STARD13: variants seen among roughly 807,000 people sequenced by gnomAD.
The protein encoded by STARD13 is StAR related lipid transfer domain containing 13.
A neutral mutation model predicts 106.4 loss-of-function variants in STARD13; 62 were observed. That is an observed-to-expected ratio of 0.58 (90% CI 0.48 to 0.72). The LOEUF (loss-of-function observed/expected upper bound fraction) is 0.72, where lower values mean the gene tolerates loss of function less well. Ranked by LOEUF, STARD13 falls within the 30% of genes least tolerant of loss-of-function variation. The pLI is 0.00. For synonymous variants in STARD13, 565 were observed against 553.0 expected (o/e 1.02, Z -0.31); for missense variants, 1,387 against 1,424.0 (o/e 0.97, Z 0.42).
At chr13:33,231,830 T>C (rs894903403) in intron 1 of STARD13, among the ~76,000 whole-genome samples, 1 of 152,180 alleles carries the variant, frequency 6.6e-6, no homozygotes, top group African/African-American at 2.4e-5. Context: ...TTCAGTGTCA[T>C]TTTAGTATAT....
chr13:33,542,289 T>C, the STARD13 span, among the ~76,000 whole-genome samples: 57 of 152,276 alleles, frequency 3.7e-4, no homozygotes, highest in African/African-American at 1.2e-3. Flanking sequence ...ATCTTAGCAC[T>C]GAGACCGCAC....
chr13:33,255,179 C>T (rs1890297278), intron 1 of STARD13, among the ~76,000 whole-genome samples: 1 of 151,792 alleles, frequency 6.6e-6, no homozygotes, highest in Non-Finnish European at 1.5e-5. Flanking sequence ...ACGAGGGGGA[C>T]CAGGGAACTC....
chr13:33,428,423 G>A, the STARD13 span, among the ~76,000 whole-genome samples: 7 of 152,090 alleles, frequency 4.6e-5, no homozygotes, highest in Non-Finnish European at 8.8e-5. Context: ...CTATGCATCC[G>A]AAAAGACGTT....
chr13:33,133,404 G>A (rs1878597182), intron 4 of STARD13, among the ~76,000 whole-genome samples: 1 of 150,186 alleles, frequency 6.7e-6, no homozygotes, highest in South Asian at 2.3e-4. Flanking sequence ...CAGTATTTAG[G>A]TTGTTTGAAC....
At chr13:33,146,890 C>T (rs891106145) in intron 3 of STARD13, among the ~76,000 whole-genome samples, 3 of 152,162 alleles carry the variant, frequency 2.0e-5, no homozygotes, top group Non-Finnish European at 2.9e-5. Context: ...TGAAAATCAA[C>T]AGCATCACCG....
chr13:33,276,764 A>T (rs1428290607), intron 1 of STARD13: 2 of 152,142 alleles, frequency 1.3e-5, no homozygotes, highest in African/African-American at 4.8e-5. Context: ...GGTGACTGCC[A>T]AGTTCCTTTC....
At chr13:33,411,761 A>G in the STARD13 span, among the ~76,000 whole-genome samples, 5 of 152,242 alleles carry the variant, frequency 3.3e-5, no homozygotes, top group Admixed American at 3.3e-4. Context: ...TCACTTAGTA[A>G]TATGCACTTA....
exon 2 of STARD13, chr13:33,349,064 A>G (rs2078044464): frequency 1.4e-6 from 1 of 699,160 alleles, no homozygotes. Flanking sequence ...CTTGCTTTAC[A>G]GTTCAAGTAA....
At chr13:33,530,049 A>C in the STARD13 span, among the ~76,000 whole-genome samples, 1 of 152,168 alleles carries the variant, frequency 6.6e-6, no homozygotes, top group Non-Finnish European at 1.5e-5. Context: ...AGAGTTAAAA[A>C]ACATGCATAA....
the STARD13 span, among the ~76,000 whole-genome samples, chr13:33,446,574 C>T: frequency 6.6e-6 from 1 of 152,068 alleles, no homozygotes. Flanking sequence ...AAACTTTATA[C>T]ATAAGAGTAA....
chr13:33,487,135 A>G, the STARD13 span, among the ~76,000 whole-genome samples: 3 of 152,354 alleles, frequency 2.0e-5, no homozygotes, highest in African/African-American at 7.2e-5. Flanking sequence ...TAGAAAATGT[A>G]GACATTAATA....
At chr13:33,384,862 T>C in the STARD13 span, among the ~76,000 whole-genome samples, 1 of 152,020 alleles carries the variant, frequency 6.6e-6, no homozygotes, top group Non-Finnish European at 1.5e-5. Flanking sequence ...GGGAAGAGCA[T>C]GGGTGGTAAA....
chr13:33,478,523 A>G, the STARD13 span, among the ~76,000 whole-genome samples: 1 of 152,236 alleles, frequency 6.6e-6, no homozygotes, highest in Non-Finnish European at 1.5e-5. Context: ...TATAAATATG[A>G]TATTTTAATA....
the STARD13 span, among the ~76,000 whole-genome samples, chr13:33,497,205 G>T: frequency 3.3e-5 from 5 of 152,058 alleles, no homozygotes; most frequent in African/African-American, 4.8e-5. Context: ...GATCTGCTGG[G>T]CTCCTCCATG....
At chr13:33,343,410 T>C (rs2077982164) in intron 1 of STARD13, among the ~76,000 whole-genome samples, 1 of 150,234 alleles carries the variant, frequency 6.7e-6, no homozygotes, top group East Asian at 2.0e-4. Context: ...AGAAACCCCA[T>C]CTCTACAAAA....
At chr13:33,330,196 T>C (rs2077821109) in intron 1 of STARD13, among the ~76,000 whole-genome samples, 1 of 152,224 alleles carries the variant, frequency 6.6e-6, no homozygotes, top group Admixed American at 6.5e-5. Flanking sequence ...TTGTATAAAG[T>C]TATATTCCTA....
chr13:33,388,531 C>A, the STARD13 span, among the ~76,000 whole-genome samples: 116 of 152,236 alleles, frequency 7.6e-4, no homozygotes, highest in African/African-American at 2.7e-3. Flanking sequence ...GAAGTTGGGG[C>A]CCAAGCTGAG....
At chr13:33,203,032 G>A (rs1025295777) in intron 1 of STARD13, among the ~76,000 whole-genome samples, 3 of 152,224 alleles carry the variant, frequency 2.0e-5, no homozygotes, top group Non-Finnish European at 4.4e-5. Context: ...TGGCCTGAAA[G>A]TTTTCAAAGC....
the STARD13 span, among the ~76,000 whole-genome samples, chr13:33,484,832 C>G: frequency 6.6e-6 from 1 of 152,076 alleles, no homozygotes; most frequent in Non-Finnish European, 1.5e-5. Context: ...GAAGATAAAC[C>G]AAGAAATAGA....
Sources: gnomAD v4.1 joint callset for allele counts (sites outside exome capture counted in the v4.1 genomes callset) on GRCh38, gnomAD v4.1.1 for gene constraint, MANE v1.5 for transcripts, NCBI Gene and HGNC (gene_info 2026-07-23, HGNC 2026-07-21) for gene names.